SP140L: variants seen among roughly 807,000 people sequenced by gnomAD.
SP140L encodes the protein nuclear body protein SP140-like protein.
In SP140L, 64 loss-of-function variants were observed where a neutral mutation model predicts 84.3. The ratio of observed to expected loss-of-function variants is 0.76; its 90% CI spans 0.62 to 0.94. SP140L has a LOEUF of 0.94. SP140L is among the 40% of genes least tolerant of loss of function. The pLI is 0.00. For missense variants in SP140L, 628 were observed against 692.5 expected, an observed-to-expected ratio of 0.91 and a Z score of 1.05; for synonymous variants, 242 against 236.9, an observed-to-expected ratio of 1.02 and a Z score of -0.20.
rs762079525 is a variant in SP140L at position 230,385,240 on chromosome 2, T to C, written c.720T>C (p.Asp240=). 2.7e-5 allele frequency: 43 copies of C among 1,613,754 alleles called. No individual in the cohort carries two copies. The East Asian group carries it at 8.5e-4, about 32-fold the overall frequency. ...NNQQNDNSKA[D]GQLVSSEKKA... ...TATCCCCAGATAACAGCAAAGCCGATGGCCAGCTGGTCTCGAGTGAAAAGA... is the reference window on the plus strand; with the variant it reads ...TATCCCCAGATAACAGCAAAGCCGACGGCCAGCTGGTCTCGAGTGAAAAGA... The change falls in exon 9 of 19, where the codon GAT becomes GAC. Residue 240 remains aspartate (D), a synonymous_variant. Coordinates refer to ENST00000415673, the MANE Select transcript of SP140L (RefSeq NM_138402.6).
chr2:230,327,541 G>T (rs1368411015), intron 1 of SP140L, among the ~76,000 whole-genome samples: 2 of 152,180 alleles, frequency 1.3e-5, no homozygotes, highest in African/African-American at 4.8e-5. Flanking sequence ...TTCTTGTTTT[G>T]AAACTACTGC....
intron 2 of SP140L, among the ~76,000 whole-genome samples, chr2:230,333,973 A>AT (rs2059797236): frequency 1.3e-5 from 2 of 152,194 alleles, no homozygotes; most frequent in East Asian, 3.9e-4. Context: ...GAGGATGATG[A>AT]TTTTTAGAAT....
At position 230,359,016 on chromosome 2, in the gene SP140L, A is replaced by G. The variant is rs757975911; in HGVS notation, c.323A>G (p.Asn108Ser). Residue 108 changes from asparagine (N) to serine (S), a missense_variant, in exon 4 of 19, where the codon AAT becomes AGT. Coordinates refer to ENST00000415673, the MANE Select transcript of SP140L (RefSeq NM_138402.6). ...NLVPVQRVVY[N>S]VLSELEKTFN... ...GTCCCTGTACAAAGAGTGGTGTACAATGTTCTCAGTGAACTGGAGAAGACA... is the reference window on the plus strand; with the variant it reads ...GTCCCTGTACAAAGAGTGGTGTACAGTGTTCTCAGTGAACTGGAGAAGACA... 2 of 1,613,492 alleles carry G rather than the reference A, an allele frequency of 1.2e-6. No individual in the cohort carries two copies. Among genetic ancestry groups the G allele is most frequent in the South Asian group, 1.1e-5 (1 of 91,014 alleles).
chr2:230,328,614 G>C, intron 1 of SP140L, 143 bp from the exon 2 acceptor site: 1 of 1,082,206 alleles, frequency 9.2e-7, no homozygotes, highest in South Asian at 2.1e-5. Flanking sequence ...TTATCAATAA[G>C]CTATAATAAT....
At chr2:230,394,980 G>A (rs1218572854) in intron 13 of SP140L, among the ~76,000 whole-genome samples, 1 of 139,846 alleles carries the variant, frequency 7.2e-6, no homozygotes, top group East Asian at 2.0e-4. Flanking sequence ...TTGCTTAAGA[G>A]ACTCCAGTAA....
chr2:230,374,102 C>A (rs2061169410), intron 7 of SP140L, among the ~76,000 whole-genome samples: 1 of 152,088 alleles, frequency 6.6e-6, no homozygotes, highest in Admixed American at 6.5e-5. Context: ...GATCACCTGA[C>A]ATCAGAAGTT....
At chr2:230,363,405 T>C (rs893827288) in intron 5 of SP140L, among the ~76,000 whole-genome samples, 3 of 152,216 alleles carry the variant, frequency 2.0e-5, no homozygotes, top group African/African-American at 7.2e-5. Flanking sequence ...TGTATTTTCT[T>C]GATGATTTGT....
chr2:230,365,816 GT>G (rs778883025), intron 5 of SP140L, among the ~76,000 whole-genome samples: 3 of 151,784 alleles, frequency 2.0e-5, no homozygotes, highest in Non-Finnish European at 4.4e-5. Flanking sequence ...CATCAGTTTT[GT>G]TATGTTGTGT....
intron 4 of SP140L, among the ~76,000 whole-genome samples, 166 bp downstream of exon 4, chr2:230,359,298 A>G (rs114049192): frequency 3.2e-3 from 492 of 152,314 alleles, no homozygotes; most frequent in Non-Finnish European, 5.3e-3. Flanking sequence ...GTATATGGCT[A>G]TGGCAAAACA....
rs1338013381 is a variant in SP140L, at chr2:230,332,538, A to T, written c.107+3707A>T. Reference sequence around the variant, plus strand: ...CCCATCCATTCTCGTAATACATCACAGTTTGAGGTTCATCAGTAATCAGTG... The same window carrying T: ...CCCATCCATTCTCGTAATACATCACTGTTTGAGGTTCATCAGTAATCAGTG... On this transcript the variant is annotated intron_variant, in intron 2 of 18. Coordinates refer to ENST00000415673, the MANE Select transcript of SP140L (RefSeq NM_138402.6). Among the ~76,000 whole-genome samples, 45 of 152,232 alleles carry T rather than the reference A, an allele frequency of 3.0e-4. 1 individual carries two copies. The highest frequency in any genetic ancestry group is 6.6e-4 in the Non-Finnish European group (45 of 68,036).
rs151118191 is a variant in SP140L, at chr2:230,387,009, C to T, written c.785-1550C>T. Among the ~76,000 whole-genome samples the T allele has an allele frequency of 4.0e-4, 61 of 152,240 alleles. No homozygotes were observed. In the East Asian group the frequency reaches 0.011, roughly 27 times the overall value. On this transcript the variant is annotated intron_variant, in intron 9 of 18. Coordinates refer to ENST00000415673, the MANE Select transcript of SP140L (RefSeq NM_138402.6). ...GGGTGAAGCATTGAAGAGGAGAGAC[C>T]TGGAGATGTCCTGGACTTCCAGAGT... is the stretch of plus-strand genomic sequence containing the variant.
chr2:230,343,656 C>G lies in SP140L; in HGVS notation c.108-14149C>G, dbSNP rs953722162. Among the ~76,000 whole-genome samples, 2 of 117,810 alleles carry G rather than the reference C, an allele frequency of 1.7e-5. 1 individual carries two copies. Among genetic ancestry groups the G allele is most frequent in the African/African-American group, 6.2e-5 (2 of 32,220 alleles). The allele number at this position is 117,810 out of a possible 152,430, so 77.3% of individuals were successfully genotyped here. A position where few individuals can be genotyped will look rare whatever the true frequency, so the allele number is the denominator to read the frequency against. On this transcript the variant is annotated intron_variant, in intron 2 of 18. Transcript: ENST00000415673. ...TGCCTCTAGGTCTCTGAGGAATTGC[C>G]ACACTGTCTTCCACAATGGTTGAAC...
At position 230,361,765 on chromosome 2, in the gene SP140L, C is replaced by G. The variant is rs1265981986; in HGVS notation, c.523+68C>G. ...GAAAAGGAGACAAGGGAGGTGAGGG[C>G]CCAAGGTCCTGAGGGGAAATTGTGA... On this transcript the variant is annotated intron_variant, in intron 5 of 18. Transcript: ENST00000415673. 1.6e-5 allele frequency: 20 copies of G among 1,221,798 alleles called. No individual in the cohort carries two copies. In the East Asian group the frequency reaches 4.8e-4, roughly 29 times the overall value. 75.7% of individuals were successfully genotyped at this position (1,221,798 alleles called of 1,614,324 possible). A position where few individuals can be genotyped will look rare whatever the true frequency, so the allele number is the denominator to read the frequency against.
At chr2:230,328,047 G>A (rs988645237) in intron 1 of SP140L, among the ~76,000 whole-genome samples, 9 of 152,226 alleles carry the variant, frequency 5.9e-5, no homozygotes, top group East Asian at 1.9e-4. Context: ...ATAACATTAC[G>A]TAATCTTTTT....
chr2:230,393,599 T>A, intron 13 of SP140L, 138 bp downstream of exon 13: 11 of 1,040,370 alleles, frequency 1.1e-5, no homozygotes, highest in Admixed American at 3.9e-5. Context: ...TAAATTTTTT[T>A]AATATACACT....
chr2:230,389,047 A>G (rs2061699172), intron 10 of SP140L, among the ~76,000 whole-genome samples: 1 of 152,148 alleles, frequency 6.6e-6, no homozygotes, highest in African/African-American at 2.4e-5. Flanking sequence ...CTTTTTAAAA[A>G]ATCTTTGACT....
intron 2 of SP140L, among the ~76,000 whole-genome samples, chr2:230,335,329 G>A (rs2059837546): frequency 6.6e-6 from 1 of 152,136 alleles, no homozygotes; most frequent in Admixed American, 6.5e-5. Context: ...ATAAATGCAT[G>A]TTAGGCCATG....
At chr2:230,375,860 TG>T in intron 7 of SP140L, among the ~76,000 whole-genome samples, 1 of 152,202 alleles carries the variant, frequency 6.6e-6, no homozygotes, top group Non-Finnish European at 1.5e-5. Flanking sequence ...TTCCATAGGT[TG>T]CCTTTTCATT....
chr2:230,354,223 A>G (rs961908488), intron 2 of SP140L, among the ~76,000 whole-genome samples: 1 of 152,166 alleles, frequency 6.6e-6, no homozygotes, highest in South Asian at 2.1e-4. Context: ...ATTTGTTTCT[A>G]CATAAGAGAA....
Sources: gnomAD v4.1 joint callset for allele counts (sites outside exome capture counted in the v4.1 genomes callset) on GRCh38, gnomAD v4.1.1 for gene constraint, MANE v1.5 for transcripts, NCBI Gene and HGNC (gene_info 2026-07-23, HGNC 2026-07-21) for gene names.